Variants in SCIN observed in about 807,000 individuals in gnomAD.
SCIN encodes scinderin.
Under a neutral mutation model 91.8 loss-of-function variants are expected in SCIN, and 91 were observed. The ratio of observed to expected loss-of-function variants is 0.99; its 90% confidence interval spans 0.84 to 1.18. The LOEUF (loss-of-function observed/expected upper bound fraction) is 1.18, where lower values mean the gene tolerates loss of function less well. SCIN is among the 50% of genes most tolerant of loss of function. SCIN has a pLI of 0.00. For missense variants in SCIN, 1,087 were observed against 863.9 expected (o/e 1.26, Z -3.24); for synonymous variants, 367 against 312.6 (o/e 1.17, Z -1.84).
intron 10 of SCIN, among the ~76,000 whole-genome samples, chr7:12,637,935 T>C (rs933659114): frequency 6.6e-5 from 10 of 152,318 alleles, no homozygotes; most frequent in Non-Finnish European, 1.2e-4. Context: ...TTAAATGTTA[T>C]ACAATATCAG....
intron 3 of SCIN, among the ~76,000 whole-genome samples, chr7:12,599,658 T>C (rs1782917565): frequency 6.6e-6 from 1 of 152,172 alleles, no homozygotes; most frequent in Non-Finnish European, 1.5e-5. Context: ...AGTGTTCCCT[T>C]TCACCACACC....
chr7:12,575,339 CT>C (rs140334030), intron 1 of SCIN, among the ~76,000 whole-genome samples: 3,031 of 150,736 alleles, frequency 0.02, 110 homozygotes, highest in African/African-American at 0.07. Context: ...ATTTGTATGC[CT>C]TTTTTTTCTT....
At chr7:12,644,551 A>T in intron 12 of SCIN, 33 bp from the exon 13 acceptor site, 4 of 1,607,584 alleles carry the variant, frequency 2.5e-6, no homozygotes, top group Non-Finnish European at 3.4e-6. Context: ...TGTCCCTGAA[A>T]ATGCACTGGA....
chr7:12,615,843 T>C (rs962066057), intron 4 of SCIN, among the ~76,000 whole-genome samples: 1 of 152,146 alleles, frequency 6.6e-6, no homozygotes, highest in East Asian at 1.9e-4. Context: ...TTCTGGATTA[T>C]GTAGATAAAA....
chr7:12,657,276 T>A lies in SCIN; in HGVS notation c.*4561T>A, dbSNP rs1390418162. The A allele has an allele frequency of 7.2e-6, 1 of 138,644 alleles. No homozygotes were observed. The highest frequency in any genetic ancestry group is 1.5e-5 in the Non-Finnish European group (1 of 65,616). 8.6% of individuals were successfully genotyped at this position (138,644 alleles called of 1,614,324 possible). ...CTCTGTTGCCCAGGCTGGAGTACAG[T>A]AGCGATCTCTGCTCACTGCAATCTC... On this transcript the variant is annotated 3_prime_UTR_variant, in exon 16 of 16. Coordinates refer to ENST00000297029, the MANE Select transcript of SCIN (RefSeq NM_001112706.3).
chr7:12,634,960 G>T (rs900172724), intron 9 of SCIN, among the ~76,000 whole-genome samples: 1 of 152,042 alleles, frequency 6.6e-6, no homozygotes, highest in African/African-American at 2.4e-5. Context: ...GCCGAGGCGG[G>T]TGGATCACCT....
At chr7:12,580,940 C>A in intron 2 of SCIN, 120 bp from the exon 3 acceptor site, 2 of 976,304 alleles carry the variant, frequency 2.0e-6, no homozygotes, top group Non-Finnish European at 2.9e-6. Context: ...TTTAACTTGG[C>A]CTGACAGGTA....
In SCIN at chr7:12,576,308, C is replaced by T. The variant is rs545741678; in HGVS notation, c.200-1756C>T. The stretch of plus-strand genomic sequence containing the variant: ...GTCAAATACTTAACTTTGACCACAG[C>T]GAGTTCACAAAATTGTTATCACGTC... On this transcript the variant is annotated intron_variant, in intron 1 of 15. Coordinates refer to ENST00000297029, the MANE Select transcript of SCIN (RefSeq NM_001112706.3). Among the ~76,000 whole-genome samples, 15 of 151,706 alleles carry T rather than the reference C, an allele frequency of 9.9e-5. No homozygotes were observed. In the South Asian group the frequency reaches 2.5e-3, roughly 25 times the overall value.
intron 4 of SCIN, among the ~76,000 whole-genome samples, chr7:12,606,051 A>G (rs932781965): frequency 6.6e-6 from 1 of 152,216 alleles, no homozygotes; most frequent in Non-Finnish European, 1.5e-5. Context: ...GTATAACTAT[A>G]TTAAGATGTC....
intron 4 of SCIN, among the ~76,000 whole-genome samples, chr7:12,612,576 T>G (rs849790): frequency 6.6e-6 from 1 of 152,054 alleles, no homozygotes; most frequent in Non-Finnish European, 1.5e-5. Context: ...CTGCCCCAAG[T>G]TGCGACGCTC....
chr7:12,635,352 C>T (rs1472355147), intron 9 of SCIN, among the ~76,000 whole-genome samples: 1 of 151,272 alleles, frequency 6.6e-6, no homozygotes, highest in Non-Finnish European at 1.5e-5. Flanking sequence ...TGGCTCATGC[C>T]TGTAATCCTA....
rs569205821 is a variant in SCIN at position 12,659,327 on chromosome 7, G to A, written c.*6612G>A. 45 of 152,256 alleles carry A rather than the reference G, an allele frequency of 3.0e-4. 1 individual carries two copies. The highest frequency in any genetic ancestry group is 1.0e-3 in the African/African-American group (43 of 41,528). The allele number at this position is 152,256 out of a possible 1,614,324, so 9.4% of individuals were successfully genotyped here. A position where few individuals can be genotyped will look rare whatever the true frequency, so the allele number is the denominator to read the frequency against. Reference sequence around the variant, plus strand: ...GACTTAATCTATGTCTCTATGAGCTGGTAAACAATAGACAGGTAAATACAG... The same window carrying A: ...GACTTAATCTATGTCTCTATGAGCTAGTAAACAATAGACAGGTAAATACAG... On this transcript the variant is annotated 3_prime_UTR_variant, in exon 16 of 16. Transcript: ENST00000297029.
At chr7:12,573,704 C>T (rs1292362745) in intron 1 of SCIN, among the ~76,000 whole-genome samples, 1 of 152,194 alleles carries the variant, frequency 6.6e-6, no homozygotes, top group Non-Finnish European at 1.5e-5. Flanking sequence ...GATAGTAAAA[C>T]TGCTCCCTGT....
intron 12 of SCIN, 79 bp downstream of exon 12, chr7:12,644,394 TCA>T (rs1047208807): frequency 6.7e-7 from 1 of 1,490,594 alleles, no homozygotes; most frequent in Non-Finnish European, 9.0e-7. Context: ...CACCAAAAAG[TCA>T]CTTTCTAATG....
intron 1 of SCIN, 96 bp downstream of exon 1, chr7:12,571,081 C>G: frequency 7.6e-7 from 1 of 1,315,982 alleles, no homozygotes; most frequent in Middle Eastern, 2.7e-4. Flanking sequence ...TAAAGGGGAC[C>G]GCAAACTGAG....
At chr7:12,622,406 A>G (rs1583305187) in intron 4 of SCIN, among the ~76,000 whole-genome samples, 1 of 152,282 alleles carries the variant, frequency 6.6e-6, no homozygotes, top group Non-Finnish European at 1.5e-5. Flanking sequence ...AATCTTTATT[A>G]TAATAAACTC....
chr7:12,616,769 C>T (rs1783307453), intron 4 of SCIN, among the ~76,000 whole-genome samples: 1 of 152,096 alleles, frequency 6.6e-6, no homozygotes, highest in African/African-American at 2.4e-5. Flanking sequence ...AGAGGAGGAT[C>T]AGAGAATTCG....
chr7:12,622,052 C>T (rs969793087), intron 4 of SCIN, among the ~76,000 whole-genome samples: 3 of 151,478 alleles, frequency 2.0e-5, no homozygotes, highest in Admixed American at 1.3e-4. Context: ...GATTCCTGTC[C>T]TTGACATTCT....
chr7:12,587,360 G>C (rs1469634446), intron 3 of SCIN, among the ~76,000 whole-genome samples: 1 of 152,310 alleles, frequency 6.6e-6, no homozygotes, highest in East Asian at 1.9e-4. Context: ...GGGGAGTGAG[G>C]ATGAGGATGG....
Sources: gnomAD v4.1 joint callset for allele counts (sites outside exome capture counted in the v4.1 genomes callset) on GRCh38, gnomAD v4.1.1 for gene constraint, MANE v1.5 for transcripts, NCBI Gene and HGNC (gene_info 2026-07-23, HGNC 2026-07-21) for gene names.